The following KLHL8 variants were observed in gnomAD, a reference collection of about 807,000 sequenced individuals.
The protein encoded by KLHL8 is kelch-like protein 8.
KLHL8 carries 38 observed loss-of-function variants against 63.5 expected under a neutral mutation model. That is an observed-to-expected ratio of 0.60 (90% CI 0.46 to 0.78). The LOEUF (loss-of-function observed/expected upper bound fraction) is 0.78, where lower values mean the gene tolerates loss of function less well. KLHL8 is among the 30% of genes least tolerant of loss of function. The probability of loss-of-function intolerance (pLI) is 0.00; values close to 1 mark genes in which losing one functional copy is unlikely to be tolerated. For synonymous variants in KLHL8, 224 were observed against 254.3 expected (o/e 0.88, Z 1.13); for missense variants, 566 against 752.4 (o/e 0.75, Z 2.90).
At chr4:87,203,748 G>A (rs1200820615) in intron 1 of KLHL8, among the ~76,000 whole-genome samples, 5 of 150,962 alleles carry the variant, frequency 3.3e-5, no homozygotes, top group African/African-American at 4.9e-5. Flanking sequence ...TTCATGACTC[G>A]GGGTCAGGCT....
At chr4:87,236,640 CATTTA>C (rs1384528644) in intron 1 of KLHL8, among the ~76,000 whole-genome samples, 2 of 142,912 alleles carry the variant, frequency 1.4e-5, no homozygotes, top group African/African-American at 2.6e-5. Flanking sequence ...TTTGAAAAGT[CATTTA>C]ATTTATCTGT....
rs567980780 is a variant in KLHL8, at chr4:87,173,194, A to G, written c.1209-2579T>C. 2.6e-5 allele frequency among the ~76,000 whole-genome samples: 4 copies of G among 152,302 alleles called. No homozygotes were observed. The South Asian group carries it at 8.3e-4, about 32-fold the overall frequency. ...TCAGGCTAAATTCTGCAGTTCCTTC[A>G]GATCATAATAAATGGGACTTCATTA... On this transcript the variant is annotated intron_variant, in intron 6 of 9. Transcript: ENST00000273963.
chr4:87,172,208 G>C (rs530431876), intron 6 of KLHL8, among the ~76,000 whole-genome samples: 51 of 152,272 alleles, frequency 3.3e-4, no homozygotes, highest in Non-Finnish European at 6.6e-4. Flanking sequence ...TTGAAGGTGG[G>C]GGGGAACATG....
At chr4:87,239,101 T>C (rs1418140124) in intron 1 of KLHL8, among the ~76,000 whole-genome samples, 1 of 152,196 alleles carries the variant, frequency 6.6e-6, no homozygotes. Flanking sequence ...TCGCACTCAG[T>C]AAGGTTCTTC....
chr4:87,195,792 C>A, intron 1 of KLHL8, 102 bp from the exon 2 acceptor site: 1 of 313,454 alleles, frequency 3.2e-6, no homozygotes. Flanking sequence ...CTATATCAAT[C>A]ATATTTATAA....
At chr4:87,170,267 T>C in intron 7 of KLHL8, 29 bp from the exon 8 acceptor site, 1 of 1,584,138 alleles carries the variant, frequency 6.3e-7, no homozygotes, top group Admixed American at 1.9e-5. Flanking sequence ...ACAAAACACA[T>C]TAGATTTCGA....
intron 5 of KLHL8, 58 bp from the exon 6 acceptor site, chr4:87,176,926 T>C (rs1730844186): frequency 3.6e-6 from 3 of 830,138 alleles, no homozygotes; most frequent in Non-Finnish European, 5.9e-6. Flanking sequence ...ATATCATTAA[T>C]GTTACATATA....
chr4:87,239,059 T>C (rs1209731626), intron 1 of KLHL8, among the ~76,000 whole-genome samples: 1 of 152,232 alleles, frequency 6.6e-6, no homozygotes, highest in Non-Finnish European at 1.5e-5. Flanking sequence ...GAGCTCTGGA[T>C]TCTTTTGTCT....
chr4:87,206,885 T>C (rs1306810563), intron 1 of KLHL8, among the ~76,000 whole-genome samples: 1 of 152,216 alleles, frequency 6.6e-6, no homozygotes, highest in Non-Finnish European at 1.5e-5. Context: ...TAACACAGTC[T>C]ACTCTTTTTT....
rs113922753 is a variant in KLHL8, at chr4:87,215,051, G to C, written c.-152+5367C>G. 7.2e-3 allele frequency among the ~76,000 whole-genome samples: 1,099 copies of C among 152,200 alleles called. 10 individuals are homozygous for C. The highest frequency in any genetic ancestry group is 0.025 in the African/African-American group (1,047 of 41,526). The stretch of plus-strand genomic sequence containing the variant: ...TGGCCTCAAGTGATCCACCTGCCTC[G>C]GCCTCCCACGGTGCTGGAATTATAG... On this transcript the variant is annotated intron_variant, in intron 1 of 9. Coordinates refer to ENST00000273963, the MANE Select transcript of KLHL8 (RefSeq NM_020803.5).
intron 6 of KLHL8, 63 bp downstream of exon 6, chr4:87,176,680 GTTTAAAATAAGGCC>G: frequency 1.2e-6 from 1 of 842,992 alleles, no homozygotes; most frequent in South Asian, 1.5e-5. Context: ...AGAAAAAAAA[GTTTAAAATAAGGCC>G]TTTAAATTTT....
chr4:87,218,163 G>A (rs573605180), intron 1 of KLHL8, among the ~76,000 whole-genome samples: 250 of 152,000 alleles, frequency 1.6e-3, no homozygotes, highest in Non-Finnish European at 3.1e-3. Flanking sequence ...CTTCCACTCA[G>A]TTTTGTTGTG....
At chr4:87,202,240 T>TA (rs1446741269) in intron 1 of KLHL8, among the ~76,000 whole-genome samples, 2 of 151,232 alleles carry the variant, frequency 1.3e-5, no homozygotes, top group Admixed American at 6.6e-5. Flanking sequence ...AAAATGAAAA[T>TA]AAAAAACAAT....
intron 2 of KLHL8, 36 bp downstream of exon 2, chr4:87,195,288 A>C: frequency 6.5e-7 from 1 of 1,528,800 alleles, no homozygotes; most frequent in Non-Finnish European, 9.0e-7. Context: ...ATTACACTGA[A>C]GAGGCCTGAG....
At position 87,161,025 on chromosome 4, in the gene KLHL8, G is replaced by A. The variant is rs4693158; in HGVS notation, c.*2494C>T. The A allele has an allele frequency of 0.16, 23,518 of 147,464 alleles. 2,238 individuals carry two copies. Among genetic ancestry groups the A allele is most frequent in the South Asian group, 0.25 (1,153 of 4,696 alleles). 9.1% of individuals were successfully genotyped at this position (147,464 alleles called of 1,614,324 possible). A position where few individuals can be genotyped will look rare whatever the true frequency, so the allele number is the denominator to read the frequency against. On this transcript the variant is annotated 3_prime_UTR_variant, in exon 10 of 10. Coordinates refer to ENST00000273963, the MANE Select transcript of KLHL8 (RefSeq NM_020803.5). ...TGATAAAGAGAACTGTGCACATATT[G>A]ATTCTGCTTTTTTATCTTTTTTTTT...
chr4:87,164,061 G>C lies in KLHL8; in HGVS notation c.1556C>G (p.Ser519Cys). 6.2e-7 allele frequency: 1 copy of C among 1,613,946 alleles called. No homozygotes were observed. The highest frequency in any genetic ancestry group is 8.5e-7 in the Non-Finnish European group (1 of 1,179,884). The change falls in exon 9 of 10, where the codon TCT becomes TGT. Residue 519 changes from serine (S) to cysteine (C), a missense_variant. Transcript: ENST00000273963. ...LYVVGGFDDN[S>C]PLSSVERYDP... ...ATACCGCTCAACTGAACTCAGAGGA[G>C]AATTATCATCAAAACCACCTATGTA...
At chr4:87,227,535 A>C (rs1429858965) in intron 1 of KLHL8, among the ~76,000 whole-genome samples, 1 of 152,230 alleles carries the variant, frequency 6.6e-6, no homozygotes, top group Non-Finnish European at 1.5e-5. Flanking sequence ...CTATAGTCCC[A>C]GCTATCTGGG....
chr4:87,167,693 C>T (rs1021236353), intron 8 of KLHL8: 1 of 375,828 alleles, frequency 2.7e-6, no homozygotes, highest in Non-Finnish European at 5.3e-6. Flanking sequence ...TGAGCTCCTG[C>T]AGATGTCTAG....
chr4:87,176,813 C>T lies in KLHL8; in HGVS notation c.1152G>A (p.Glu384=), dbSNP rs764058607. 2 of 1,609,172 alleles carry T rather than the reference C, an allele frequency of 1.2e-6. No homozygotes were observed. Among genetic ancestry groups the T allele is most frequent in the African/African-American group, 2.7e-5 (2 of 74,822 alleles). ...ATTTATTAGTGAGAGGATCAAACAT[C>T]TCCATACTCCCTAAATGTTCATTTC... ...HDGNEHLGSM[E]MFDPLTNKWM... is the part of the protein sequence containing the mutation. The change falls in exon 6 of 10, where the codon GAG becomes GAA. Residue 384 remains glutamate (E), a synonymous_variant. Transcript: ENST00000273963.
Sources: allele counts gnomAD v4.1 joint callset (sites outside exome capture counted in the v4.1 genomes callset), GRCh38; gene constraint gnomAD v4.1.1; transcripts MANE v1.5; gene names NCBI Gene and HGNC (gene_info 2026-07-23, HGNC 2026-07-21).